Variants in ADK observed in about 807,000 individuals in gnomAD.
ADK encodes the protein adenosine kinase.
In ADK, 24 loss-of-function variants were observed where a neutral mutation model predicts 44.7. The ratio of observed to expected loss-of-function variants is 0.54; its 90% CI spans 0.39 to 0.76. The LOEUF (loss-of-function observed/expected upper bound fraction) is 0.76, where lower values mean the gene tolerates loss of function less well. Among genes scored for constraint, ADK ranks in the 30% least tolerant of loss-of-function variants. The pLI is 0.00. For synonymous variants in ADK, 128 were observed against 142.6 expected (o/e 0.90, Z 0.73); for missense variants, 321 against 425.1 (o/e 0.76, Z 2.15).
chr10:74,306,097 G>A (rs1564644737), intron 3 of ADK, among the ~76,000 whole-genome samples: 1 of 151,258 alleles, frequency 6.6e-6, no homozygotes, highest in Non-Finnish European at 1.5e-5. Context: ...CACAAATTTA[G>A]ATCTTTTAGT....
chr10:74,597,758 G>T (rs180818471), intron 8 of ADK, among the ~76,000 whole-genome samples: 9 of 152,268 alleles, frequency 5.9e-5, no homozygotes, highest in Admixed American at 5.9e-4. Context: ...ACTAGGTTTA[G>T]GTGGTGTTTG....
chr10:74,426,592 A>T (rs1032623136), intron 6 of ADK, among the ~76,000 whole-genome samples: 2 of 152,160 alleles, frequency 1.3e-5, no homozygotes, highest in Non-Finnish European at 2.9e-5. Context: ...AATTAGTTAC[A>T]AGAGGTAGAA....
intron 2 of ADK, among the ~76,000 whole-genome samples, chr10:74,221,782 G>A (rs11000929): frequency 0.72 from 99,318 of 137,674 alleles, 36,611 homozygotes; most frequent in Middle Eastern, 0.85. Flanking sequence ...AGGATTCCCT[G>A]TTTAATAAAT....
At chr10:74,221,774 G>A (rs1414732307) in intron 2 of ADK, among the ~76,000 whole-genome samples, 3 of 144,354 alleles carry the variant, frequency 2.1e-5, no homozygotes, top group Non-Finnish European at 4.5e-5. Context: ...ATGGGGAAAG[G>A]ATTCCCTGTT....
At chr10:74,541,071 G>T (rs888249253) in intron 7 of ADK, among the ~76,000 whole-genome samples, 1 of 152,040 alleles carries the variant, frequency 6.6e-6, no homozygotes, top group Admixed American at 6.6e-5. Flanking sequence ...CTGGAGTGCA[G>T]TGGCATCATC....
At chr10:74,608,095 C>T (rs1249959188) in intron 9 of ADK, among the ~76,000 whole-genome samples, 2 of 151,714 alleles carry the variant, frequency 1.3e-5, no homozygotes, top group Non-Finnish European at 2.9e-5. Flanking sequence ...CATTTATGTT[C>T]TTCTCTAAAC....
chr10:74,246,735 T>C (rs1845429502), intron 3 of ADK, among the ~76,000 whole-genome samples: 1 of 152,170 alleles, frequency 6.6e-6, no homozygotes, highest in South Asian at 2.1e-4. Context: ...GTGACTCCAT[T>C]TTGATTTTTA....
At chr10:74,499,594 A>G (rs924624794) in intron 6 of ADK, among the ~76,000 whole-genome samples, 13 of 152,112 alleles carry the variant, frequency 8.5e-5, no homozygotes, top group African/African-American at 3.1e-4. Context: ...AGGCTGAGGC[A>G]GGAGAATGGC....
chr10:74,200,977 TG>T, intron 2 of ADK, 139 bp downstream of exon 2: 2 of 673,056 alleles, frequency 3.0e-6, no homozygotes, highest in Non-Finnish European at 5.3e-6. Flanking sequence ...TGATAGCAAG[TG>T]TGCTATCATT....
At chr10:74,371,363 G>A (rs1842651962) in intron 4 of ADK, among the ~76,000 whole-genome samples, 1 of 152,182 alleles carries the variant, frequency 6.6e-6, no homozygotes, top group South Asian at 2.1e-4. Flanking sequence ...AAAGGAAATA[G>A]TAAAACTGTA....
chr10:74,425,798 C>T (rs182837422), intron 6 of ADK, among the ~76,000 whole-genome samples: 3 of 152,322 alleles, frequency 2.0e-5, no homozygotes, highest in African/African-American at 7.2e-5. Context: ...TCTGTGTCAA[C>T]TCAGCAATAT....
At chr10:74,437,988 G>A (rs542975708) in intron 6 of ADK, among the ~76,000 whole-genome samples, 25 of 152,224 alleles carry the variant, frequency 1.6e-4, no homozygotes, top group Non-Finnish European at 3.4e-4. Context: ...GCTGACTCAT[G>A]TATAACCTTC....
At chr10:74,479,816 T>G (rs1400638830) in intron 6 of ADK, among the ~76,000 whole-genome samples, 3 of 152,178 alleles carry the variant, frequency 2.0e-5, no homozygotes, top group Non-Finnish European at 2.9e-5. Context: ...CAACAGTGAT[T>G]TTATTCTGCA....
chr10:74,653,292 A>C (rs1243027277), intron 9 of ADK, among the ~76,000 whole-genome samples: 1 of 152,054 alleles, frequency 6.6e-6, no homozygotes, highest in Non-Finnish European at 1.5e-5. Flanking sequence ...TATCTACTAA[A>C]AATACAAAAA....
chr10:74,549,635 C>T (rs372202098), intron 7 of ADK, among the ~76,000 whole-genome samples: 7 of 152,146 alleles, frequency 4.6e-5, no homozygotes, highest in South Asian at 4.2e-4. Context: ...TGGGGTTTTG[C>T]CATGTTGCCC....
chr10:74,207,277 G>A (rs966172909), intron 2 of ADK, among the ~76,000 whole-genome samples: 9 of 152,192 alleles, frequency 5.9e-5, no homozygotes, highest in African/African-American at 2.2e-4. Context: ...CACAGCCCTG[G>A]ATTGGGAACC....
At chr10:74,548,938 C>T (rs1326021803) in intron 7 of ADK, among the ~76,000 whole-genome samples, 1 of 152,152 alleles carries the variant, frequency 6.6e-6, no homozygotes, top group African/African-American at 2.4e-5. Flanking sequence ...GGACTTCCTG[C>T]CTTCCCTTAT....
chr10:74,399,554 AG>A (rs1422691340), intron 6 of ADK, among the ~76,000 whole-genome samples: 2 of 151,946 alleles, frequency 1.3e-5, no homozygotes, highest in African/African-American at 4.8e-5. Flanking sequence ...TATAATGGAA[AG>A]TTATGCTATC....
intron 3 of ADK, among the ~76,000 whole-genome samples, chr10:74,233,844 C>G (rs370944342): frequency 6.6e-6 from 1 of 152,164 alleles, no homozygotes; most frequent in African/African-American, 2.4e-5. Flanking sequence ...GGATAATGAT[C>G]TTTCCTGTCA....
Sources: gnomAD v4.1 joint callset for allele counts (sites outside exome capture counted in the v4.1 genomes callset) on GRCh38, gnomAD v4.1.1 for gene constraint, MANE v1.5 for transcripts, NCBI Gene and HGNC (gene_info 2026-07-23, HGNC 2026-07-21) for gene names.